Variants in SYNPO2 observed in about 807,000 individuals in gnomAD.
The protein encoded by SYNPO2 is synaptopodin-2.
Under a neutral mutation model 85.0 loss-of-function variants are expected in SYNPO2, and 56 were observed. The observed-to-expected ratio is 0.66, with a 90% CI of 0.53 to 0.82. SYNPO2 has a LOEUF of 0.82. Ranked by LOEUF, SYNPO2 falls within the 40% of genes least tolerant of loss-of-function variation. The pLI is 0.00. For synonymous variants in SYNPO2, 602 were observed against 591.1 expected (o/e 1.02, Z -0.27); for missense variants, 1,575 against 1,534.2 (o/e 1.03, Z -0.44).
At chr4:119,052,464 C>T (rs1303972456) in intron 4 of SYNPO2, among the ~76,000 whole-genome samples, 1 of 152,230 alleles carries the variant, frequency 6.6e-6, no homozygotes, top group East Asian at 1.9e-4. Context: ...ATGTCCCTCT[C>T]TGGGCCTGTC....
intron 4 of SYNPO2, chr4:119,033,639 T>C: frequency 1.0e-6 from 1 of 985,458 alleles, no homozygotes; most frequent in Non-Finnish European, 1.2e-6. Flanking sequence ...CATTTTAATC[T>C]TCTGAAAATA....
At chr4:118,971,566 AG>A (rs778603317) in intron 1 of SYNPO2, among the ~76,000 whole-genome samples, 1 of 152,244 alleles carries the variant, frequency 6.6e-6, no homozygotes, top group Non-Finnish European at 1.5e-5. Context: ...CTCCAGTGAA[AG>A]GGCAACCTGA....
intron 4 of SYNPO2, chr4:119,037,277 C>T: frequency 7.2e-7 from 1 of 1,389,640 alleles, no homozygotes; most frequent in Non-Finnish European, 9.4e-7. Context: ...TCCTTAATAA[C>T]TACTGATGGT....
chr4:119,027,072 C>T lies in SYNPO2; in HGVS notation c.703C>T (p.His235Tyr), dbSNP rs1204049036. ...TCCTGACCCAGACCCTAACTTGTCA[C>T]ATGACAGGATTGTCCACATAAATTC... The part of the protein sequence containing the change: ...KSPDPDPNLS[H>Y]DRIVHINSIP... The change falls in exon 3 of 5, where the codon CAT (histidine) becomes TAT (tyrosine). Residue 235 changes from histidine (H) to tyrosine (Y), a missense_variant. This residue lies in a region of SYNPO2 where 1,508 missense variants were observed against 1,446.8 expected (regional missense o/e 1.04). Coordinates refer to ENST00000307142, the MANE Select transcript of SYNPO2 (RefSeq NM_133477.3). 1.2e-6 allele frequency: 2 copies of T among 1,614,070 alleles called. No individual in the cohort carries two copies. The highest frequency in any genetic ancestry group is 1.7e-6 in the Non-Finnish European group (2 of 1,180,046).
At chr4:119,014,069 C>G (rs1323472963) in intron 1 of SYNPO2, among the ~76,000 whole-genome samples, 1 of 152,182 alleles carries the variant, frequency 6.6e-6, no homozygotes, top group Non-Finnish European at 1.5e-5. Context: ...CCCATCACAA[C>G]AGATTGAATG....
At chr4:118,964,334 ACACACAC>A (rs1159294222) in intron 1 of SYNPO2, among the ~76,000 whole-genome samples, 1 of 94,972 alleles carries the variant, frequency 1.1e-5, no homozygotes, top group African/African-American at 3.6e-5. Context: ...ACACACACAC[ACACACAC>A]TAGCCAGGTG....
chr4:118,959,753 G>A (rs1325312673), intron 1 of SYNPO2, among the ~76,000 whole-genome samples: 2 of 152,026 alleles, frequency 1.3e-5, no homozygotes, highest in East Asian at 1.9e-4. Context: ...CCAGCACAAA[G>A]CTATCTATCA....
intron 4 of SYNPO2, among the ~76,000 whole-genome samples, chr4:119,045,296 A>G (rs1057401575): frequency 6.6e-6 from 1 of 152,178 alleles, no homozygotes; most frequent in Non-Finnish European, 1.5e-5. Context: ...ATTTTTCTCT[A>G]CAAAAACTTC....
At chr4:118,900,695 CTCTCTCTCTATA>C (rs1337274275) in intron 1 of SYNPO2, among the ~76,000 whole-genome samples, 509 of 41,158 alleles carry the variant, frequency 0.012, no homozygotes, top group Middle Eastern at 0.031. Flanking sequence ...CTCTCTCTCT[CTCTCTCTCTATA>C]TATATATATA....
At chr4:118,879,878 C>G (rs1328003061) in intron 1 of SYNPO2, among the ~76,000 whole-genome samples, 1 of 152,076 alleles carries the variant, frequency 6.6e-6, no homozygotes, top group Non-Finnish European at 1.5e-5. Context: ...CCTCCGAGAC[C>G]CTGCAACCGT....
chr4:119,017,172 C>A (rs1223714049), intron 1 of SYNPO2, among the ~76,000 whole-genome samples: 2 of 152,108 alleles, frequency 1.3e-5, no homozygotes, highest in Non-Finnish European at 2.9e-5. Flanking sequence ...CACCTGTCAC[C>A]AGATTTGAAT....
chr4:118,879,502 T>A (rs62326777), intron 1 of SYNPO2, among the ~76,000 whole-genome samples: 2 of 152,016 alleles, frequency 1.3e-5, no homozygotes, highest in Non-Finnish European at 2.9e-5. Flanking sequence ...TCTTTCTCTA[T>A]GTGAGGACAC....
At chr4:119,035,111 C>G in intron 4 of SYNPO2, 2 of 985,460 alleles carry the variant, frequency 2.0e-6, no homozygotes, top group Non-Finnish European at 2.4e-6. Context: ...CCCAAATCCA[C>G]TGCATGGTTT....
upstream of SYNPO2, chr4:118,888,830 T>A (rs1732260766): frequency 1.7e-6 from 1 of 595,082 alleles, no homozygotes; most frequent in Non-Finnish European, 3.0e-6. Flanking sequence ...CGCCTCTGCC[T>A]CCTTGAGAAT....
At chr4:118,884,426 A>G (rs1045347326), upstream of SYNPO2, among the ~76,000 whole-genome samples, 2 of 152,240 alleles carry the variant, frequency 1.3e-5, no homozygotes, top group African/African-American at 4.8e-5. Context: ...TGATTGGAGC[A>G]TACATGAATT....
At position 119,059,880 on chromosome 4, in the gene SYNPO2, A is replaced by G. The variant is rs1739355269; in HGVS notation, c.*1946A>G. The G allele has an allele frequency of 6.6e-6, 1 of 152,202 alleles. No individual in the cohort carries two copies. Among genetic ancestry groups the G allele is most frequent in the African/African-American group, 2.4e-5 (1 of 41,466 alleles). The allele number at this position is 152,202 out of a possible 1,614,324, so 9.4% of individuals were successfully genotyped here. A position where few individuals can be genotyped will look rare whatever the true frequency, so the allele number is the denominator to read the frequency against. ...ATTGTTAAATTATCTTAAATTATCA[A>G]GGTGTAAGATGTAATGATCCCAAGA... On this transcript the variant is annotated 3_prime_UTR_variant, in exon 5 of 5. Coordinates refer to ENST00000307142, the MANE Select transcript of SYNPO2 (RefSeq NM_133477.3).
At chr4:118,948,430 G>A (rs1271156703) in intron 1 of SYNPO2, among the ~76,000 whole-genome samples, 1 of 152,172 alleles carries the variant, frequency 6.6e-6, no homozygotes, top group East Asian at 1.9e-4. Context: ...GTTACTTAAT[G>A]AAGGTAAATT....
At chr4:119,014,861 A>C (rs1737466761) in intron 1 of SYNPO2, among the ~76,000 whole-genome samples, 1 of 152,202 alleles carries the variant, frequency 6.6e-6, no homozygotes, top group Non-Finnish European at 1.5e-5. Flanking sequence ...TTGTCAATCA[A>C]ACCTCTCAAG....
At chr4:118,894,375 G>C (rs950407132) in intron 1 of SYNPO2, among the ~76,000 whole-genome samples, 1 of 152,140 alleles carries the variant, frequency 6.6e-6, no homozygotes, top group African/African-American at 2.4e-5. Context: ...TGGGTCAGCG[G>C]GAGTGGGGAA....
Sources: gnomAD v4.1 joint callset for allele counts (sites outside exome capture counted in the v4.1 genomes callset) on GRCh38, gnomAD v4.1.1 for gene constraint, gnomAD v4.1.1 regional missense constraint, MANE v1.5 for transcripts, NCBI Gene and HGNC (gene_info 2026-07-23, HGNC 2026-07-21) for gene names.